Variants in FAT4 observed in about 807,000 individuals in gnomAD.
FAT4 encodes the protein protocadherin Fat 4.
A neutral mutation model predicts 303.9 loss-of-function variants in FAT4; 84 were observed. The ratio of observed to expected loss-of-function variants is 0.28; its 90% CI spans 0.23 to 0.33. FAT4 has a LOEUF of 0.33. Ranked by LOEUF, FAT4 falls within the 10% of genes least tolerant of loss-of-function variation. The pLI is 1.00. For synonymous variants in FAT4, 2,307 were observed against 2,298.8 expected (o/e 1.00, Z -0.10); for missense variants, 6,005 against 6,146.8 (o/e 0.98, Z 0.77).
At chr4:125,343,053 T>C (rs1217591257) in intron 2 of FAT4, among the ~76,000 whole-genome samples, 2 of 152,204 alleles carry the variant, frequency 1.3e-5, no homozygotes, top group Non-Finnish European at 2.9e-5. Context: ...TTTAATGTAA[T>C]TTAGAAGCTG....
At chr4:125,393,930 A>G (rs778861986) in intron 2 of FAT4, 2 of 780,006 alleles carry the variant, frequency 2.6e-6, no homozygotes, top group Non-Finnish European at 4.8e-6. Context: ...TTGTGAAGCT[A>G]CCTAAATGGT....
intron 2 of FAT4, chr4:125,393,880 A>G (rs2126008859): frequency 1.3e-6 from 1 of 759,518 alleles, no homozygotes; most frequent in East Asian, 2.5e-5. Flanking sequence ...CCAGAGTTTT[A>G]CTGCTCAGGG....
chr4:125,317,077 G>A lies in FAT4; in HGVS notation c.666G>A (p.Val222=). The change falls in exon 2 of 18, where the codon GTG becomes GTA. Residue 222 remains valine (V), a synonymous_variant. Coordinates refer to ENST00000394329, the MANE Select transcript of FAT4 (RefSeq NM_001291303.3). The surrounding 1 kb of genome is among the most constrained non-coding windows in gnomAD (Gnocchi z 7.0). ...CGCAGTACCAGCTCCTGGTTGAGGT[G>A]GAGGACAAGGGTGAGCCTAAGCGGC... is the stretch of plus-strand genomic sequence containing the variant. ...VTPQYQLLVE[V]EDKGEPKRRG... 6.2e-7 allele frequency: 1 copy of A among 1,614,034 alleles called. No homozygotes were observed. Among genetic ancestry groups the A allele is most frequent in the Non-Finnish European group, 8.5e-7 (1 of 1,180,036 alleles).
rs777754541 is a variant in FAT4, at chr4:125,452,802, G to C, written c.11792G>C (p.Gly3931Ala). The change falls in exon 10 of 18, where the codon GGA becomes GCA. Residue 3931 changes from glycine (G) to alanine (A), a missense_variant. By Grantham distance (60) the Gly-to-Ala change is moderately conservative (BLOSUM62 0). Coordinates refer to ENST00000394329, the MANE Select transcript of FAT4 (RefSeq NM_001291303.3). ...AGCTTCAACTGTGTTTGCAAAACTGGATACACAGGTATGACAACGTTTGTA... is the reference window on the plus strand; with the variant it reads ...AGCTTCAACTGTGTTTGCAAAACTGCATACACAGGTATGACAACGTTTGTA... ...PGSFNCVCKT[G>A]YTGKMCESSV... The C allele has an allele frequency of 6.8e-6, 11 of 1,609,436 alleles. No individual in the cohort carries two copies. In the South Asian group the frequency reaches 1.1e-4, roughly 16 times the overall value.
rs1231320941 is a variant in FAT4 at position 125,449,625 on chromosome 4, C to A, written c.8615C>A (p.Pro2872Gln). Residue 2872 changes from proline (P) to glutamine (Q), a missense_variant, in exon 10 of 18, where the codon CCA becomes CAA. Physicochemically the swap from Pro to Gln is moderately conservative, Grantham distance 76. Coordinates refer to ENST00000394329, the MANE Select transcript of FAT4 (RefSeq NM_001291303.3). ...GTGACAGACATCAATGACAATGCTC[C>A]AAGATTTAGCAGAACTTCCTATTAT... ...IFVTDINDNA[P>Q]RFSRTSYYLD... is the part of the protein sequence containing the mutation. 1.2e-6 allele frequency: 2 copies of A among 1,613,754 alleles called. No homozygotes were observed. Among genetic ancestry groups the A allele is most frequent in the East Asian group, 4.5e-5 (2 of 44,864 alleles).
intron 7 of FAT4, among the ~76,000 whole-genome samples, chr4:125,430,929 A>T (rs2126041185): frequency 6.6e-6 from 1 of 152,222 alleles, no homozygotes; most frequent in Non-Finnish European, 1.5e-5. Context: ...AAATAAGTTG[A>T]TATTCTTTGG....
intron 2 of FAT4, among the ~76,000 whole-genome samples, chr4:125,387,415 G>A (rs1468371186): frequency 6.6e-6 from 1 of 152,108 alleles, no homozygotes; most frequent in South Asian, 2.1e-4. Context: ...CATGGGGGCT[G>A]CATTGTTTCT....
Position 125,487,436 on chromosome 4 carries a change from A to C in FAT4, c.12914A>C (p.His4305Pro), listed in dbSNP as rs575588278. The C allele has an allele frequency of 6.2e-7, 1 of 1,614,118 alleles. No homozygotes were observed. The highest frequency in any genetic ancestry group is 1.1e-5 in the South Asian group (1 of 91,078). Residue 4305 changes from histidine to proline, a missense_variant, in exon 17 of 18, where the codon CAC becomes CCC. His to Pro is a moderately conservative substitution (Grantham distance 77). Transcript: ENST00000394329. Reference sequence around the variant, plus strand: ...CCTGAAGTATATGTTGCAGACGGCCACTGGCACACTTTTCTAATTGGGAAA... The same window carrying C: ...CCTGAAGTATATGTTGCAGACGGCCCCTGGCACACTTTTCTAATTGGGAAA... ...NIPEVYVADG[H>P]WHTFLIGKNG...
At chr4:125,343,522 C>A (rs1218848998) in intron 2 of FAT4, among the ~76,000 whole-genome samples, 1 of 152,106 alleles carries the variant, frequency 6.6e-6, no homozygotes, top group Non-Finnish European at 1.5e-5. Flanking sequence ...ACTTAAATTT[C>A]ATCTCTTAAT....
chr4:125,418,723 C>T (rs1157939556), intron 7 of FAT4, among the ~76,000 whole-genome samples: 1 of 151,974 alleles, frequency 6.6e-6, no homozygotes, highest in Non-Finnish European at 1.5e-5. Context: ...TTTACTGTAC[C>T]AAGTAGAAAC....
At chr4:125,462,230 A>T (rs1726508360) in intron 10 of FAT4, among the ~76,000 whole-genome samples, 1 of 151,908 alleles carries the variant, frequency 6.6e-6, no homozygotes, top group Admixed American at 6.6e-5. Context: ...CAAAAACAGA[A>T]CCAATTTAAA....
At position 125,403,439 on chromosome 4, in the gene FAT4, C is replaced by T. The variant is rs892860515; in HGVS notation, c.5308-3441C>T. Among the ~76,000 whole-genome samples the T allele has an allele frequency of 3.7e-4, 56 of 152,110 alleles. 1 individual carries two copies. The highest frequency in any genetic ancestry group is 2.1e-4 in the South Asian group (1 of 4,810). On this transcript the variant is annotated intron_variant, in intron 3 of 17. Coordinates refer to ENST00000394329, the MANE Select transcript of FAT4 (RefSeq NM_001291303.3). ...ATATCTCTCTTCCTTCTTCTTCTGC[C>T]GATCCTTGCTTCTCTTCTTTTTTCC...
At chr4:125,427,504 A>G (rs1214169587) in intron 7 of FAT4, among the ~76,000 whole-genome samples, 2 of 152,080 alleles carry the variant, frequency 1.3e-5, no homozygotes, top group African/African-American at 4.8e-5. Flanking sequence ...ATTTTATAAA[A>G]CAGAATTTTT....
At chr4:125,424,800 G>A (rs1202858399) in intron 7 of FAT4, among the ~76,000 whole-genome samples, 1 of 152,108 alleles carries the variant, frequency 6.6e-6, no homozygotes, top group Non-Finnish European at 1.5e-5. Flanking sequence ...AAATTAACTG[G>A]CGAGAGAGTG....
chr4:125,466,346 C>G lies in FAT4; in HGVS notation c.11906-2166C>G, dbSNP rs35539301. ...AAATGTAAGTATCTATATACTTTCT[C>G]CATATATTTACACTCAAATATTCAG... On this transcript the variant is annotated intron_variant, in intron 11 of 17. Transcript: ENST00000394329. Among the ~76,000 whole-genome samples, 961 of 151,908 alleles carry G rather than the reference C, an allele frequency of 6.3e-3. 3 individuals are homozygous for G. Among genetic ancestry groups the G allele is most frequent in the Non-Finnish European group, 0.01 (706 of 67,934 alleles).
chr4:125,440,610 T>TGTGTGTGTGTGTGTGTGAGAGAGA (rs372756130), intron 8 of FAT4, among the ~76,000 whole-genome samples: 1 of 75,750 alleles, frequency 1.3e-5, no homozygotes, highest in African/African-American at 5.8e-5. Flanking sequence ...TGTGTGTGTG[T>TGTGTGTGTGTGTGTGTGAGAGAGA]GAGAGAGAGA....
intron 3 of FAT4, among the ~76,000 whole-genome samples, chr4:125,406,381 CT>C (rs1346106936): frequency 6.6e-6 from 1 of 152,098 alleles, no homozygotes; most frequent in African/African-American, 2.4e-5. Flanking sequence ...CAGCACAATA[CT>C]TTATTCATTA....
intron 11 of FAT4, among the ~76,000 whole-genome samples, chr4:125,464,146 A>G (rs538873274): frequency 1.3e-5 from 2 of 152,258 alleles, no homozygotes; most frequent in East Asian, 3.9e-4. Context: ...TATTAGAAGG[A>G]CTTAGTAACT....
rs1726115578 is a variant in FAT4 at position 125,452,287 on chromosome 4, C to A, written c.11277C>A (p.Asn3759Lys). The change falls in exon 10 of 18, where the codon AAC becomes AAA. Residue 3759 changes from asparagine to lysine, a missense_variant. Coordinates refer to ENST00000394329, the MANE Select transcript of FAT4 (RefSeq NM_001291303.3). ...AACTGTACAGTGCATATGAAGAGAA[C>A]AATAGAACGTTTCTTTTGGCAGCTG... ...AVQLYSAYEE[N>K]NRTFLLAAVK... 3.1e-6 allele frequency: 5 copies of A among 1,614,086 alleles called. No individual in the cohort carries two copies. The highest frequency in any genetic ancestry group is 1.7e-5 in the Admixed American group (1 of 60,000).
Sources: allele counts gnomAD v4.1 joint callset (sites outside exome capture counted in the v4.1 genomes callset), GRCh38; gene constraint gnomAD v4.1.1; non-coding constraint Gnocchi (gnomAD v3.1); transcripts MANE v1.5; gene names NCBI Gene and HGNC (gene_info 2026-07-23, HGNC 2026-07-21).